Variants in PER3 observed in about 807,000 individuals in gnomAD.
The protein encoded by PER3 is period circadian protein homolog 3.
Under a neutral mutation model 127.2 loss-of-function variants are expected in PER3, and 107 were observed. The ratio of observed to expected loss-of-function variants is 0.84; its 90% CI spans 0.72 to 0.99. The LOEUF (loss-of-function observed/expected upper bound fraction) is 0.99. Among genes scored for constraint, PER3 ranks in the 50% least tolerant of loss-of-function variants. The probability of loss-of-function intolerance (pLI) is 0.00; values close to 1 mark genes in which losing one functional copy is unlikely to be tolerated. For synonymous variants in PER3, 618 were observed against 585.8 expected (o/e 1.05, Z -0.79); for missense variants, 1,560 against 1,525.8 (o/e 1.02, Z -0.37).
intron 4 of PER3, chr1:7,787,707 G>A (rs74053352): frequency 5.6e-4 from 200 of 357,094 alleles, no homozygotes; most frequent in African/African-American, 3.9e-3. Flanking sequence ...GTGTCTTAAA[G>A]CATAGAATCT....
Position 7,820,718 on chromosome 1 carries a change from C to G in PER3, c.1957+78C>G, listed in dbSNP as rs998555532. ...GATGAGAAAACAAAAGTCATGAATA[C>G]CATTCGCTCGGTTGTAACTTCTAAA... On this transcript the variant is annotated intron_variant, in intron 16 of 21. Coordinates refer to ENST00000377532, the MANE Select transcript of PER3 (RefSeq NM_001377275.1). 24 of 1,187,294 alleles carry G rather than the reference C, an allele frequency of 2.0e-5. No individual in the cohort carries two copies. In the African/African-American group the frequency reaches 3.3e-4, roughly 16 times the overall value. 73.5% of individuals were successfully genotyped at this position (1,187,294 alleles called of 1,614,324 possible).
At chr1:7,786,562 A>G (rs1240447977) in intron 3 of PER3, among the ~76,000 whole-genome samples, 159 bp from the exon 4 acceptor site, 3 of 152,228 alleles carry the variant, frequency 2.0e-5, no homozygotes, top group African/African-American at 7.2e-5. Flanking sequence ...TTGCACAACT[A>G]TCAGTATTTT....
At chr1:7,818,020 G>A (rs1205740419) in intron 13 of PER3, among the ~76,000 whole-genome samples, 5 of 152,114 alleles carry the variant, frequency 3.3e-5, no homozygotes, top group Admixed American at 6.5e-5. Context: ...CACCTCCGCC[G>A]CATTCTCTCC....
At chr1:7,815,991 CAAAAAAAAAAA>C (rs34144861) in intron 13 of PER3, among the ~76,000 whole-genome samples, 12 of 67,662 alleles carry the variant, frequency 1.8e-4, no homozygotes, top group Admixed American at 1.3e-3. Context: ...GACTCCGTCT[CAAAAAAAAAAA>C]AAAAAAAAAA....
At chr1:7,816,697 G>A (rs545768336) in intron 13 of PER3, among the ~76,000 whole-genome samples, 1 of 152,332 alleles carries the variant, frequency 6.6e-6, no homozygotes, top group African/African-American at 2.4e-5. Context: ...GACACAGAGT[G>A]ACCAGAGCAC....
rs376675419 is a variant in PER3, at chr1:7,844,369, C to T, written c.*1614C>T. The T allele has an allele frequency of 6.5e-6, 1 of 152,822 alleles. No individual in the cohort carries two copies. Among genetic ancestry groups the T allele is most frequent in the Non-Finnish European group, 1.5e-5 (1 of 68,444 alleles). 9.5% of individuals were successfully genotyped at this position (152,822 alleles called of 1,614,324 possible). On this transcript the variant is annotated 3_prime_UTR_variant, in exon 22 of 22. Transcript: ENST00000377532. ...CTTGATAGTTAAGTGATTTCTGAAG[C>T]GTTTGTGTGTGTGTTGATCAGGTTG...
intron 13 of PER3, among the ~76,000 whole-genome samples, chr1:7,813,968 G>C (rs1480476211): frequency 6.6e-6 from 1 of 152,192 alleles, no homozygotes; most frequent in Non-Finnish European, 1.5e-5. Context: ...GCAGGACCGG[G>C]TGGGTAATCA....
chr1:7,823,294 A>C (rs2097285969), intron 16 of PER3, among the ~76,000 whole-genome samples: 1 of 152,214 alleles, frequency 6.6e-6, no homozygotes, highest in Non-Finnish European at 1.5e-5. Context: ...AAGGTGGTCA[A>C]TTCATCAGGA....
At chr1:7,838,994 A>G (rs1483537909) in intron 21 of PER3, among the ~76,000 whole-genome samples, 1 of 148,254 alleles carries the variant, frequency 6.7e-6, no homozygotes. Flanking sequence ...TTTGTTTTCT[A>G]TGTGCCATAA....
intron 19 of PER3, among the ~76,000 whole-genome samples, chr1:7,835,365 A>G (rs1405032395): frequency 1.3e-5 from 2 of 152,228 alleles, no homozygotes; most frequent in African/African-American, 4.8e-5. Flanking sequence ...AAAGAAGTCT[A>G]AGGTATTGCA....
chr1:7,816,867 C>T (rs886655060), intron 13 of PER3, among the ~76,000 whole-genome samples: 1 of 152,216 alleles, frequency 6.6e-6, no homozygotes, highest in African/African-American at 2.4e-5. Flanking sequence ...AAAACCTGTA[C>T]ATGAATATTT....
At position 7,844,832 on chromosome 1, in the gene PER3, C is replaced by T. The variant is rs1417488459; in HGVS notation, c.*2077C>T. 1 of 152,408 alleles carries T rather than the reference C, an allele frequency of 6.6e-6. No homozygotes were observed. The highest frequency in any genetic ancestry group is 6.5e-5 in the Admixed American group (1 of 15,282). 9.4% of individuals were successfully genotyped at this position (152,408 alleles called of 1,614,324 possible). On this transcript the variant is annotated 3_prime_UTR_variant, in exon 22 of 22. Coordinates refer to ENST00000377532, the MANE Select transcript of PER3 (RefSeq NM_001377275.1). ...CCGAGGGGGCTCTCCCCAGCTTAAA[C>T]TTTGTTGTTTAAATTTGTTAACTTT...
chr1:7,816,424 T>G (rs2097251812), intron 13 of PER3, among the ~76,000 whole-genome samples: 1 of 152,118 alleles, frequency 6.6e-6, no homozygotes, highest in African/African-American at 2.4e-5. Flanking sequence ...AAGGCACTGA[T>G]AAGACAAATG....
At position 7,785,496 on chromosome 1, in the gene PER3, A is replaced by G. The variant is rs937522911; in HGVS notation, c.184A>G (p.Met62Val). The G allele has an allele frequency of 4.3e-6, 7 of 1,612,160 alleles. No individual in the cohort carries two copies. Among genetic ancestry groups the G allele is most frequent in the Non-Finnish European group, 5.9e-6 (7 of 1,178,180 alleles). The change falls in exon 3 of 22, where the codon ATG becomes GTG. Residue 62 changes from methionine to valine, a missense_variant. Met to Val is a conservative substitution (Grantham distance 21). Transcript: ENST00000377532. ...AGAACTTATCATGGTTGTCCAAGAA[A>G]TGAAAAAATACTTCCCCTCGGAGAG... ...SEELIMVVQE[M>V]KKYFPSERRN...
At chr1:7,815,356 CAT>C (rs910556506) in intron 13 of PER3, among the ~76,000 whole-genome samples, 5 of 152,072 alleles carry the variant, frequency 3.3e-5, no homozygotes, top group African/African-American at 9.7e-5. Context: ...TGAAAATAAA[CAT>C]AGGTTAAAAG....
At position 7,786,731 on chromosome 1, in the gene PER3, G is replaced by T; in HGVS notation, c.285G>T (p.Glu95Asp). 6.3e-7 allele frequency: 1 copy of T among 1,594,994 alleles called. No homozygotes were observed. The highest frequency in any genetic ancestry group is 8.6e-7 in the Non-Finnish European group (1 of 1,162,422). The stretch of plus-strand genomic sequence containing the variant: ...CCCTGTGTTTCTTAGCAAACAGTGA[G>T]TTTTTCCAGATTCTCAGTCAGAATG... ...RCVHSVQANSEFFQILSQNGA... is the reference protein window; with the variant it reads ...RCVHSVQANSDFFQILSQNGA... The change falls in exon 4 of 22, where the codon GAG becomes GAT. Residue 95 changes from glutamate to aspartate, a missense_variant. Glu to Asp is a conservative substitution (Grantham distance 45, BLOSUM62 2). This residue lies in a region of PER3 where 1,332 missense variants were observed against 1,223.6 expected (regional missense o/e 1.09). Coordinates refer to ENST00000377532, the MANE Select transcript of PER3 (RefSeq NM_001377275.1).
At chr1:7,803,183 T>TATTTTTCTCTCATTGATTTGTTCTA in intron 9 of PER3, 30 bp downstream of exon 9, 1 of 1,248,700 alleles carries the variant, frequency 8.0e-7, no homozygotes, top group Non-Finnish European at 1.2e-6. Context: ...TAGGAGGAAA[T>TATTTTTCTCTCATTGATTTGTTCTA]ATTTTTCTCT....
At chr1:7,804,387 CTTGT>C (rs1208934170) in intron 10 of PER3, among the ~76,000 whole-genome samples, 1 of 144,618 alleles carries the variant, frequency 6.9e-6, no homozygotes, top group Admixed American at 7.0e-5. Context: ...TCAAATTCCA[CTTGT>C]TTGTGTCTTT....
At chr1:7,798,504 T>C in intron 6 of PER3, 21 bp from the exon 7 acceptor site, 2 of 1,607,864 alleles carry the variant, frequency 1.2e-6, no homozygotes, top group South Asian at 2.2e-5. Context: ...GGACCAGCAC[T>C]AATATCTTTA....
Sources: allele counts gnomAD v4.1 joint callset (sites outside exome capture counted in the v4.1 genomes callset), GRCh38; gene constraint gnomAD v4.1.1; regional missense constraint gnomAD v4.1.1; transcripts MANE v1.5; gene names NCBI Gene and HGNC (gene_info 2026-07-23, HGNC 2026-07-21).